The following TRPM3 variants were observed in gnomAD, a reference collection of about 807,000 sequenced individuals.
TRPM3 encodes transient receptor potential cation channel subfamily M member 3.
Under a neutral mutation model 181.2 loss-of-function variants are expected in TRPM3, and 77 were observed. The observed-to-expected ratio is 0.42, with a 90% confidence interval of 0.35 to 0.51. TRPM3 has a LOEUF of 0.51. TRPM3 is among the 20% of genes least tolerant of loss of function. TRPM3 has a pLI of 0.01. For synonymous variants in TRPM3, 745 were observed against 796.4 expected (o/e 0.94, Z 1.09); for missense variants, 1,759 against 2,196.7 (o/e 0.80, Z 3.98).
chr9:71,352,219 T>C (rs2091680170), intron 1 of TRPM3, among the ~76,000 whole-genome samples: 1 of 152,202 alleles, frequency 6.6e-6, no homozygotes, highest in Admixed American at 6.5e-5. Flanking sequence ...ATACAAATGT[T>C]CATTATGTTA....
chr9:70,827,666 C>T (rs577642994), intron 6 of TRPM3, 181 bp downstream of exon 6: 400 of 632,320 alleles, frequency 6.3e-4, no homozygotes, highest in Non-Finnish European at 8.9e-4. Flanking sequence ...TTACTTCTTA[C>T]GCCTCCAATT....
At chr9:71,330,768 T>C (rs547729474) in intron 1 of TRPM3, among the ~76,000 whole-genome samples, 1 of 151,894 alleles carries the variant, frequency 6.6e-6, no homozygotes, top group South Asian at 2.1e-4. Context: ...AAGATCCAAG[T>C]ATGTCAGATG....
chr9:71,147,833 T>C (rs1317661214), intron 1 of TRPM3, among the ~76,000 whole-genome samples: 1 of 152,124 alleles, frequency 6.6e-6, no homozygotes, highest in Admixed American at 6.6e-5. Flanking sequence ...GAAGCGACAA[T>C]GCAATAAACA....
intron 1 of TRPM3, among the ~76,000 whole-genome samples, chr9:71,294,227 T>A (rs1385270915): frequency 6.6e-6 from 1 of 151,976 alleles, no homozygotes; most frequent in African/African-American, 2.4e-5. Flanking sequence ...ATTTGCTGTA[T>A]ATATAACAAA....
At chr9:70,896,454 A>G (rs1239940320) in intron 1 of TRPM3, among the ~76,000 whole-genome samples, 1 of 152,214 alleles carries the variant, frequency 6.6e-6, no homozygotes, top group African/African-American at 2.4e-5. Flanking sequence ...TGATTACATT[A>G]AGCAGATAAG....
At chr9:70,841,719 C>CATATAT (rs142313712) in intron 5 of TRPM3, among the ~76,000 whole-genome samples, 83 of 133,778 alleles carry the variant, frequency 6.2e-4, no homozygotes, top group African/African-American at 2.2e-3. Flanking sequence ...TATCTCCCAC[C>CATATAT]ATATATATAT....
chr9:71,302,081 CA>C (rs1261703989), intron 1 of TRPM3, among the ~76,000 whole-genome samples: 1 of 151,772 alleles, frequency 6.6e-6, no homozygotes, highest in Non-Finnish European at 1.5e-5. Flanking sequence ...CTACATAAAA[CA>C]AAAAATCATG....
intron 25 of TRPM3, among the ~76,000 whole-genome samples, chr9:70,544,749 G>C (rs1477876230): frequency 1.3e-5 from 2 of 151,630 alleles, no homozygotes; most frequent in Non-Finnish European, 2.9e-5. Context: ...TGATCTAAAG[G>C]GGGGAAAAAA....
chr9:71,177,328 C>T (rs569891437), intron 1 of TRPM3, among the ~76,000 whole-genome samples: 36 of 152,068 alleles, frequency 2.4e-4, no homozygotes, highest in Non-Finnish European at 4.1e-4. Flanking sequence ...AAATGTAATG[C>T]TCTTGAATCA....
intron 1 of TRPM3, among the ~76,000 whole-genome samples, chr9:70,889,687 T>A (rs1378979141): frequency 1.3e-5 from 2 of 152,184 alleles, no homozygotes; most frequent in Non-Finnish European, 2.9e-5. Flanking sequence ...CCAATCTGCA[T>A]TTTAATGCCT....
chr9:70,561,237 A>C (rs916374030), intron 22 of TRPM3, among the ~76,000 whole-genome samples: 5 of 152,230 alleles, frequency 3.3e-5, no homozygotes, highest in Admixed American at 2.6e-4. Context: ...CCTCCTTTTG[A>C]AAATCTATAC....
intron 1 of TRPM3, among the ~76,000 whole-genome samples, chr9:70,944,466 T>C (rs2096913887): frequency 6.6e-6 from 1 of 152,186 alleles, no homozygotes; most frequent in Non-Finnish European, 1.5e-5. Context: ...CGCTCCTTTC[T>C]TCTCGCTCTC....
intron 1 of TRPM3, among the ~76,000 whole-genome samples, chr9:71,243,214 G>GT (rs1338751156): frequency 6.6e-6 from 1 of 152,140 alleles, no homozygotes. Context: ...GCTAATTTTT[G>GT]TATTTTTAGT....
At chr9:70,890,015 T>C (rs1014209958) in intron 1 of TRPM3, among the ~76,000 whole-genome samples, 2 of 148,098 alleles carry the variant, frequency 1.4e-5, no homozygotes, top group African/African-American at 4.9e-5. Flanking sequence ...ATATTCTATA[T>C]AGCATATATA....
chr9:71,412,446 G>A (rs1236014312), intron 1 of TRPM3, among the ~76,000 whole-genome samples: 2 of 152,188 alleles, frequency 1.3e-5, no homozygotes, highest in African/African-American at 2.4e-5. Context: ...CAAAGGATAT[G>A]AACACACACT....
At chr9:71,325,159 T>C (rs922437933) in intron 1 of TRPM3, among the ~76,000 whole-genome samples, 3 of 152,150 alleles carry the variant, frequency 2.0e-5, no homozygotes, top group Non-Finnish European at 4.4e-5. Flanking sequence ...CACAAGTTTG[T>C]ACAAGTAACA....
At chr9:70,636,809 T>C (rs920247443) in intron 11 of TRPM3, among the ~76,000 whole-genome samples, 1 of 151,490 alleles carries the variant, frequency 6.6e-6, no homozygotes, top group Non-Finnish European at 1.5e-5. Flanking sequence ...TGTCTCAGCC[T>C]CTGGAGTAGC....
chr9:70,699,253 G>T (rs1050874629), intron 8 of TRPM3, among the ~76,000 whole-genome samples: 1 of 152,178 alleles, frequency 6.6e-6, no homozygotes, highest in Non-Finnish European at 1.5e-5. Flanking sequence ...GGGCTAAGGA[G>T]ACAAAGGTCA....
At chr9:70,998,267 T>TA (rs2097564799) in intron 1 of TRPM3, among the ~76,000 whole-genome samples, 2 of 140,124 alleles carry the variant, frequency 1.4e-5, no homozygotes, top group Non-Finnish European at 3.1e-5. Context: ...ATATATATAT[T>TA]TTTTTTAGTA....
Sources: gnomAD v4.1 joint callset for allele counts (sites outside exome capture counted in the v4.1 genomes callset) on GRCh38, gnomAD v4.1.1 for gene constraint, MANE v1.5 for transcripts, NCBI Gene and HGNC (gene_info 2026-07-23, HGNC 2026-07-21) for gene names.